The following HEXB variants were observed in gnomAD, a reference collection of about 807,000 sequenced individuals.
HEXB encodes the protein beta-hexosaminidase subunit beta.
HEXB carries 51 observed loss-of-function variants against 71.2 expected under a neutral mutation model. The ratio of observed to expected loss-of-function variants is 0.72; its 90% CI spans 0.57 to 0.90. HEXB has a LOEUF of 0.90. Among genes scored for constraint, HEXB ranks in the 40% least tolerant of loss-of-function variants. The probability of loss-of-function intolerance (pLI) is 0.00; values close to 1 mark genes in which losing one functional copy is unlikely to be tolerated. For missense variants in HEXB, 617 were observed against 677.0 expected (o/e 0.91, Z 0.98); for synonymous variants, 266 against 249.3 (o/e 1.07, Z -0.63).
At chr5:74,694,879 A>T (rs1207848836) in intron 3 of HEXB, among the ~76,000 whole-genome samples, 1 of 152,020 alleles carries the variant, frequency 6.6e-6, no homozygotes, top group Admixed American at 6.6e-5. Context: ...GTGAGGCAGG[A>T]GAATTGCTTG....
chr5:74,704,042 A>G (rs11957259), intron 5 of HEXB, among the ~76,000 whole-genome samples: 3,419 of 152,304 alleles, frequency 0.022, 127 homozygotes, highest in African/African-American at 0.078. Flanking sequence ...TCACTCTACA[A>G]TTGCAGAGTG....
chr5:74,642,222 G>A (rs1054366322), intron 1 of HEXB, among the ~76,000 whole-genome samples: 4 of 152,188 alleles, frequency 2.6e-5, no homozygotes, highest in African/African-American at 9.7e-5. Context: ...GAAGTCCTTT[G>A]TTAGCATTAA....
intron 1 of HEXB, among the ~76,000 whole-genome samples, chr5:74,667,548 A>G (rs1284650094): frequency 6.6e-6 from 1 of 152,204 alleles, no homozygotes; most frequent in Non-Finnish European, 1.5e-5. Flanking sequence ...TAACCACAGA[A>G]TTAGTCAGTT....
intron 5 of HEXB, among the ~76,000 whole-genome samples, chr5:74,697,727 CAAAAAA>C (rs34363294): frequency 1.8e-5 from 2 of 110,452 alleles, no homozygotes; most frequent in Non-Finnish European, 3.5e-5. Context: ...GACTCTGTCT[CAAAAAA>C]AAAAAAAAAA....
At chr5:74,703,996 A>G (rs1281151113) in intron 5 of HEXB, among the ~76,000 whole-genome samples, 1 of 152,228 alleles carries the variant, frequency 6.6e-6, no homozygotes, top group African/African-American at 2.4e-5. Context: ...TAAAGTTTAC[A>G]GGAATATAGG....
At chr5:74,653,023 T>C (rs1328707551) in intron 1 of HEXB, among the ~76,000 whole-genome samples, 1 of 152,154 alleles carries the variant, frequency 6.6e-6, no homozygotes, top group Non-Finnish European at 1.5e-5. Flanking sequence ...AACTGTAATG[T>C]AAAGGAGGAC....
chr5:74,708,240 T>C (rs1392129472), intron 6 of HEXB, among the ~76,000 whole-genome samples: 4 of 151,758 alleles, frequency 2.6e-5, no homozygotes. Context: ...AAGCAAATGC[T>C]GAGAGATTTT....
chr5:74,693,793 C>A, intron 3 of HEXB, 89 bp downstream of exon 3: 2 of 889,774 alleles, frequency 2.2e-6, no homozygotes, highest in Non-Finnish European at 3.8e-6. Flanking sequence ...AAAACTTTGC[C>A]GCCTTAGATC....
chr5:74,665,749 A>G (rs1233292178), intron 1 of HEXB, among the ~76,000 whole-genome samples: 3 of 152,208 alleles, frequency 2.0e-5, no homozygotes, highest in Non-Finnish European at 4.4e-5. Context: ...GGGAAATTTT[A>G]TATACCGAAT....
chr5:74,654,425 A>G (rs1006811427), intron 1 of HEXB, among the ~76,000 whole-genome samples: 5 of 152,216 alleles, frequency 3.3e-5, no homozygotes, highest in Admixed American at 3.3e-4. Context: ...CTGTAACCAC[A>G]GAATCACACA....
In HEXB at chr5:74,693,856, A is replaced by T. The variant is rs555281373; in HGVS notation, c.511+152A>T. On this transcript the variant is annotated intron_variant, in intron 3 of 13. Transcript: ENST00000261416. ...CCAAAATGATTTCCATTGAACATGT[A>T]CTACATAAAGCATGGGAGAGGTCAG... The T allele has an allele frequency of 7.2e-4, 514 of 714,136 alleles. No individual in the cohort carries two copies. In the African/African-American group the frequency reaches 8.0e-3, roughly 11 times the overall value. The allele number at this position is 714,136 out of a possible 1,614,324, so 44.2% of individuals were successfully genotyped here. A position where few individuals can be genotyped will look rare whatever the true frequency, so the allele number is the denominator to read the frequency against.
Position 74,664,430 on chromosome 5 carries a change from T to TTAAAAAAAAAAA in HEXB, c.-377+23872_-377+23873insTAAAAAAAAAAA, listed in dbSNP as rs768901546. Among the ~76,000 whole-genome samples the TTAAAAAAAAAAA allele has an allele frequency of 2.1e-3, 169 of 79,470 alleles. 1 individual carries two copies. Among genetic ancestry groups the TTAAAAAAAAAAA allele is most frequent in the East Asian group, 5.9e-3 (14 of 2,362 alleles). The allele number at this position is 79,470 out of a possible 152,430, so 52.1% of individuals were successfully genotyped here. A position where few individuals can be genotyped will look rare whatever the true frequency, so the allele number is the denominator to read the frequency against. ...GGGCAATAGAGCAAGATTCTATCTC[T>TTAAAAAAAAAAA]AAAAAAAAAAAAAAAAAAAAAAACA... On this transcript the variant is annotated intron_variant, in intron 1 of 13. Coordinates refer to the HEXB transcript ENST00000511181.
chr5:74,658,469 G>C (rs529871511), intron 1 of HEXB, among the ~76,000 whole-genome samples: 1 of 152,270 alleles, frequency 6.6e-6, no homozygotes, highest in South Asian at 2.1e-4. Context: ...TCACACCAGA[G>C]AGGCCATTTA....
intron 6 of HEXB, among the ~76,000 whole-genome samples, chr5:74,712,813 T>TA (rs1215685489): frequency 1.3e-5 from 2 of 152,332 alleles, no homozygotes; most frequent in East Asian, 3.9e-4. Flanking sequence ...ACTGAGCACT[T>TA]ATAGGCCATA....
At chr5:74,695,836 G>A (rs1246350452) in intron 3 of HEXB, among the ~76,000 whole-genome samples, 112 of 85,792 alleles carry the variant, frequency 1.3e-3, no homozygotes, top group African/African-American at 3.8e-3. Flanking sequence ...GCAAGACTCC[G>A]TCTAAAAAAA....
chr5:74,697,939 T>A (rs534934773), intron 5 of HEXB, among the ~76,000 whole-genome samples: 36 of 152,134 alleles, frequency 2.4e-4, no homozygotes, highest in Admixed American at 6.5e-4. Context: ...TGTTTTCTCC[T>A]ATGGGCTTTT....
At chr5:74,649,761 A>G (rs543683279) in intron 1 of HEXB, among the ~76,000 whole-genome samples, 1 of 152,322 alleles carries the variant, frequency 6.6e-6, no homozygotes, top group East Asian at 1.9e-4. Flanking sequence ...ACCATAGTTG[A>G]TTGAATGTCT....
chr5:74,696,302 G>A (rs1412235923), intron 3 of HEXB, among the ~76,000 whole-genome samples: 2 of 152,106 alleles, frequency 1.3e-5, no homozygotes, highest in African/African-American at 4.8e-5. Flanking sequence ...ATTTTTCCCT[G>A]TTGCATTTAG....
upstream of HEXB, among the ~76,000 whole-genome samples, chr5:74,684,888 G>C (rs1482868660): frequency 6.6e-6 from 1 of 152,072 alleles, no homozygotes; most frequent in African/African-American, 2.4e-5. Flanking sequence ...ATTTGGCCAG[G>C]CTGGTCTTGA....
Sources: gnomAD v4.1 joint callset for allele counts (sites outside exome capture counted in the v4.1 genomes callset) on GRCh38, gnomAD v4.1.1 for gene constraint, MANE v1.5 for transcripts, NCBI Gene and HGNC (gene_info 2026-07-23, HGNC 2026-07-21) for gene names.